Variants in ARPC4 observed in about 807,000 individuals in gnomAD.
ARPC4 encodes the protein actin related protein 2/3 complex subunit 4.
A neutral mutation model predicts 22.8 loss-of-function variants in ARPC4; 3 were observed. The observed-to-expected ratio is 0.13, with a 90% CI of 0.06 to 0.34. The LOEUF (loss-of-function observed/expected upper bound fraction) is 0.34, where lower values mean the gene tolerates loss of function less well. Ranked by LOEUF, ARPC4 falls within the 10% of genes least tolerant of loss-of-function variation. The pLI is 1.00. For missense variants in ARPC4, 98 were observed against 211.0 expected, an observed-to-expected ratio of 0.46 and a Z score of 3.32; for synonymous variants, 80 against 72.5, an observed-to-expected ratio of 1.10 and a Z score of -0.52.
chr3:9,792,852 A>G, upstream of ARPC4: 1 of 1,366,278 alleles, frequency 7.3e-7, no homozygotes, highest in Non-Finnish European at 9.4e-7. Flanking sequence ...GGTGACAAGA[A>G]GGCCGAAGGC....
intron 1 of ARPC4, among the ~76,000 whole-genome samples, chr3:9,795,847 G>A (rs1008972328): frequency 1.3e-5 from 2 of 152,204 alleles, no homozygotes; most frequent in African/African-American, 4.8e-5. Context: ...TGTAATCCCA[G>A]CACTTTAGGA....
chr3:9,797,845 T>G, intron 2 of ARPC4, 68 bp downstream of exon 2: 2 of 1,491,072 alleles, frequency 1.3e-6, no homozygotes, highest in Non-Finnish European at 1.8e-6. Flanking sequence ...GTCTAGAAGG[T>G]GCCATGAACT....
At chr3:9,796,020 C>T (rs930772736) in intron 1 of ARPC4, among the ~76,000 whole-genome samples, 16 of 152,058 alleles carry the variant, frequency 1.1e-4, no homozygotes, top group East Asian at 3.8e-4. Context: ...CACTTGAACC[C>T]GGGAGGTGGA....
At position 9,806,514 on chromosome 3, in the gene ARPC4, G is replaced by GTTT; in HGVS notation, c.*300_*301insTTT. The GTTT allele has an allele frequency of 3.2e-6, 1 of 309,686 alleles. No individual in the cohort carries two copies. Among genetic ancestry groups the GTTT allele is most frequent in the South Asian group, 4.6e-5 (1 of 21,758 alleles). The allele number at this position is 309,686 out of a possible 1,614,324, so 19.2% of individuals were successfully genotyped here. A position where few individuals can be genotyped will look rare whatever the true frequency, so the allele number is the denominator to read the frequency against. On this transcript the variant is annotated 3_prime_UTR_variant, in exon 6 of 6. Transcript: ENST00000397261. ...GCTTGTAGGATACTGTAACCTTTTT[G>GTTT]TCTTTTTTTTTTTTTTTTTTTTTAA...
At chr3:9,799,532 TC>T (rs1347994513) in intron 2 of ARPC4, among the ~76,000 whole-genome samples, 1 of 151,670 alleles carries the variant, frequency 6.6e-6, no homozygotes, top group Non-Finnish European at 1.5e-5. Flanking sequence ...AACTGCCACC[TC>T]CTGAGTTCGA....
At position 9,801,645 on chromosome 3, in the gene ARPC4, C is replaced by T. The variant is rs778595101; in HGVS notation, c.235-16C>T. The T allele has an allele frequency of 6.3e-7, 1 of 1,594,220 alleles. No homozygotes were observed. On this transcript the variant is annotated splice_polypyrimidine_tract_variant and intron_variant, in intron 3 of 5. Transcript: ENST00000397261. ...GTGTCAGCTTTAGAGAAACATTTCT[C>T]TCTTGCACTCCCCAGGCTGATGAGA... is the stretch of plus-strand genomic sequence containing the variant.
intron 1 of ARPC4, among the ~76,000 whole-genome samples, chr3:9,796,200 C>T (rs1320613653): frequency 6.6e-6 from 1 of 152,140 alleles, no homozygotes; most frequent in African/African-American, 2.4e-5. Context: ...TCAAGACAAG[C>T]CTGACCAACA....
rs1168018516 is a variant in ARPC4 at position 9,806,498 on chromosome 3, A to G, written c.*283A>G. The G allele has an allele frequency of 1.1e-5, 5 of 441,322 alleles. No homozygotes were observed. The East Asian group carries it at 2.2e-4, about 20-fold the overall frequency. 27.3% of individuals were successfully genotyped at this position (441,322 alleles called of 1,614,324 possible). ...GAAACTTAAACTCTGTGCTTGTAGG[A>G]TACTGTAACCTTTTTGTCTTTTTTT... is the stretch of plus-strand genomic sequence containing the variant. On this transcript the variant is annotated 3_prime_UTR_variant, in exon 6 of 6. Coordinates refer to ENST00000397261, the MANE Select transcript of ARPC4 (RefSeq NM_005718.5).
chr3:9,803,498 C>T, intron 4 of ARPC4: 1 of 473,232 alleles, frequency 2.1e-6, no homozygotes, highest in East Asian at 6.4e-5. Flanking sequence ...TCCACATCAT[C>T]TCTTCTCTGG....
chr3:9,796,415 C>T (rs2078887847), intron 1 of ARPC4, among the ~76,000 whole-genome samples: 1 of 152,110 alleles, frequency 6.6e-6, no homozygotes, highest in Admixed American at 6.5e-5. Context: ...ATTAAGAAGA[C>T]ATGAAAGACA....
chr3:9,803,788 G>T (rs990065014), intron 4 of ARPC4, 55 bp from the exon 5 acceptor site: 75 of 1,559,908 alleles, frequency 4.8e-5, no homozygotes, highest in Non-Finnish European at 6.0e-5. Flanking sequence ...TTCCCATGGG[G>T]TGCTAATTCT....
upstream of ARPC4, chr3:9,792,981 G>T: frequency 7.0e-7 from 1 of 1,436,606 alleles, no homozygotes; most frequent in East Asian, 2.8e-5. Flanking sequence ...CGTTCGTAAG[G>T]GCTCTCTACC....
intron 4 of ARPC4, 126 bp downstream of exon 4, chr3:9,801,882 A>C: frequency 1.0e-6 from 1 of 968,358 alleles, no homozygotes; most frequent in South Asian, 1.8e-5. Flanking sequence ...GTTGGCCTTC[A>C]TCTTGGAGTG....
Position 9,796,805 on chromosome 3 carries a change from G to A in ARPC4, c.4-854G>A, listed in dbSNP as rs147303308. ...AAATACAAAAAGTTAGCCGGGTGTG[G>A]TGGTGGGCGCCTGTAGTCCCAGCTA... On this transcript the variant is annotated intron_variant, in intron 1 of 5. Coordinates refer to ENST00000397261, the MANE Select transcript of ARPC4 (RefSeq NM_005718.5). Among the ~76,000 whole-genome samples the A allele has an allele frequency of 6.3e-3, 958 of 152,100 alleles. 10 individuals carry two copies. The highest frequency in any genetic ancestry group is 0.02 in the Middle Eastern group (6 of 294).
chr3:9,794,003 C>T (rs1002733375), intron 1 of ARPC4, among the ~76,000 whole-genome samples: 4 of 152,160 alleles, frequency 2.6e-5, no homozygotes, highest in Non-Finnish European at 4.4e-5. Flanking sequence ...ATTTGTTCTT[C>T]CTCCTGGGTT....
chr3:9,804,996 C>T (rs1464344388), intron 5 of ARPC4, among the ~76,000 whole-genome samples: 1 of 152,218 alleles, frequency 6.6e-6, no homozygotes, highest in South Asian at 2.1e-4. Context: ...TAATACTTAT[C>T]TTTCAGTGGT....
chr3:9,803,689 T>A, intron 4 of ARPC4, 154 bp from the exon 5 acceptor site: 1 of 875,576 alleles, frequency 1.1e-6, no homozygotes. Flanking sequence ...CCAGAGCAGC[T>A]GGGCTGCTGA....
chr3:9,799,417 C>T (rs2078963126), intron 2 of ARPC4, among the ~76,000 whole-genome samples: 2 of 151,746 alleles, frequency 1.3e-5, no homozygotes, highest in Admixed American at 6.6e-5. Context: ...CTCCTTTGAG[C>T]ATCTTGTCAG....
rs75221972 is a variant in ARPC4, at chr3:9,806,456, A to T, written c.*241A>T. ...TGTTCAGTCCCCTGGGCCGGGACAG[A>T]TTTTTTTTAACGTCTTGAAACTTAA... On this transcript the variant is annotated 3_prime_UTR_variant, in exon 6 of 6. Coordinates refer to ENST00000397261, the MANE Select transcript of ARPC4 (RefSeq NM_005718.5). The T allele has an allele frequency of 3.7e-6, 2 of 540,614 alleles. No individual in the cohort carries two copies. The highest frequency in any genetic ancestry group is 2.0e-5 in the African/African-American group (1 of 51,010). The allele number at this position is 540,614 out of a possible 1,614,324, so 33.5% of individuals were successfully genotyped here. A position where few individuals can be genotyped will look rare whatever the true frequency, so the allele number is the denominator to read the frequency against.
Sources: gnomAD v4.1 joint callset for allele counts (sites outside exome capture counted in the v4.1 genomes callset) on GRCh38, gnomAD v4.1.1 for gene constraint, MANE v1.5 for transcripts, NCBI Gene and HGNC (gene_info 2026-07-23, HGNC 2026-07-21) for gene names.